Variants in TPRG1 observed in about 807,000 individuals in gnomAD.
TPRG1 encodes tumor protein p63-regulated gene 1 protein.
In TPRG1, 29 loss-of-function variants were observed where a neutral mutation model predicts 29.3. That is an observed-to-expected ratio of 0.99 (90% confidence interval 0.74 to 1.35). The LOEUF (loss-of-function observed/expected upper bound fraction) is 1.35, where lower values mean the gene tolerates loss of function less well. Ranked by LOEUF, TPRG1 falls within the 40% of genes most tolerant of loss-of-function variation. The probability of loss-of-function intolerance (pLI) is 0.00; values close to 1 mark genes in which losing one functional copy is unlikely to be tolerated. For synonymous variants in TPRG1, 130 were observed against 116.8 expected, an observed-to-expected ratio of 1.11 and a Z score of -0.73; for missense variants, 327 against 335.0, an observed-to-expected ratio of 0.98 and a Z score of 0.19.
At chr3:189,009,719 T>C (rs1055410438) in intron 3 of TPRG1, among the ~76,000 whole-genome samples, 5 of 152,056 alleles carry the variant, frequency 3.3e-5, no homozygotes, top group Admixed American at 6.6e-5. Flanking sequence ...ATATCTAGTA[T>C]TTACCAATAG....
chr3:189,088,938 CCTCT>C (rs761866102), intron 4 of TPRG1, among the ~76,000 whole-genome samples: 13 of 151,936 alleles, frequency 8.6e-5, no homozygotes, highest in Non-Finnish European at 1.6e-4. Flanking sequence ...TGTTTCTCTC[CCTCT>C]CTGTCAGATA....
chr3:189,207,518 C>A lies in TPRG1; in HGVS notation c.134C>A (p.Ser45Ter). ...ATGCCAAGACAGATTTCAAGGCAGT[C>A]AAGTGTGACCGAATCAACTCTTTAC... Reference protein sequence around the residue: ...DPMPRQISRQSSVTESTLYPN... With the variant: ...DPMPRQISRQ Residue 45 changes from serine (S) to a stop codon, truncating the protein, a stop_gained, in exon 2 of 6, where the codon TCA becomes TAA. Transcript: ENST00000345063. LOFTEE classifies it high-confidence loss of function. The A allele has an allele frequency of 6.2e-7, 1 of 1,614,014 alleles. No homozygotes were observed. Among genetic ancestry groups the A allele is most frequent in the Non-Finnish European group, 8.5e-7 (1 of 1,179,954 alleles).
chr3:189,155,834 G>T (rs1218371508), intron 5 of TPRG1, among the ~76,000 whole-genome samples: 2 of 152,144 alleles, frequency 1.3e-5, no homozygotes, highest in Non-Finnish European at 2.9e-5. Context: ...GGGTTGGAGG[G>T]TGAGGGAAAT....
In TPRG1 at chr3:189,321,453, C is replaced by T. The variant is rs529030900; in HGVS notation, c.*633C>T. 3.3e-4 allele frequency: 50 copies of T among 152,188 alleles called. No homozygotes were observed. Among genetic ancestry groups the T allele is most frequent in the African/African-American group, 1.1e-3 (45 of 41,534 alleles). 9.4% of individuals were successfully genotyped at this position (152,188 alleles called of 1,614,324 possible). On this transcript the variant is annotated 3_prime_UTR_variant, in exon 6 of 6. Coordinates refer to ENST00000345063, the MANE Select transcript of TPRG1 (RefSeq NM_198485.4). ...GATTTCTCTAAATTCCTTGCCATGA[C>T]ATCCTATATATGATCACATCTCTAT... is the stretch of plus-strand genomic sequence containing the variant.
chr3:189,173,182 T>A (rs1729034836), intron 1 of TPRG1, among the ~76,000 whole-genome samples: 1 of 152,134 alleles, frequency 6.6e-6, no homozygotes, highest in African/African-American at 2.4e-5. Context: ...AAATGTTTCC[T>A]CTGTGTGTGT....
At chr3:189,185,642 TAAGA>T (rs1453057849) in intron 1 of TPRG1, among the ~76,000 whole-genome samples, 4 of 151,734 alleles carry the variant, frequency 2.6e-5, no homozygotes, top group African/African-American at 9.7e-5. Context: ...AAAAAGAGAG[TAAGA>T]ATAATCCAGA....
At chr3:189,209,889 A>T (rs1462758125) in intron 2 of TPRG1, among the ~76,000 whole-genome samples, 1 of 152,212 alleles carries the variant, frequency 6.6e-6, no homozygotes, top group Non-Finnish European at 1.5e-5. Flanking sequence ...TTTTCCCAAG[A>T]TACTCAGTGT....
intron 4 of TPRG1, among the ~76,000 whole-genome samples, chr3:189,071,508 C>T (rs1263260098): frequency 6.6e-6 from 1 of 152,090 alleles, no homozygotes; most frequent in African/African-American, 2.4e-5. Context: ...TGAACTTACA[C>T]CTATAAGCAT....
intron 4 of TPRG1, among the ~76,000 whole-genome samples, chr3:189,277,933 A>C (rs7636638): frequency 0.032 from 4,803 of 152,270 alleles, 254 homozygotes; most frequent in African/African-American, 0.11. Flanking sequence ...GTTTTTACAA[A>C]TCTGATTCAT....
At chr3:189,302,376 A>T (rs1471886718) in intron 4 of TPRG1, among the ~76,000 whole-genome samples, 1 of 152,178 alleles carries the variant, frequency 6.6e-6, no homozygotes, top group African/African-American at 2.4e-5. Context: ...CCTGGACTTC[A>T]TGGAGGATTT....
chr3:189,241,461 T>A (rs190151877), intron 4 of TPRG1, among the ~76,000 whole-genome samples: 4 of 152,316 alleles, frequency 2.6e-5, no homozygotes, highest in African/African-American at 4.8e-5. Flanking sequence ...AATTTTTTTC[T>A]TATTGATTTG....
intron 3 of TPRG1, among the ~76,000 whole-genome samples, chr3:189,140,627 C>A (rs1051675422): frequency 6.6e-6 from 1 of 152,094 alleles, no homozygotes; most frequent in East Asian, 1.9e-4. Flanking sequence ...CGTTCTTTTC[C>A]GTACAATTCT....
At position 189,310,391 on chromosome 3, in the gene TPRG1, A is replaced by G; in HGVS notation, c.485A>G (p.Gln162Arg). The stretch of plus-strand genomic sequence containing the variant: ...GGAAAACGCCTTTCTTGTAGGAGAC[A>G]AGGAGAAGGCCTTAGGATCTACTGG... ...TFPGMSLDKRQGEGLRIYWGS... is the reference protein window; with the variant it reads ...TFPGMSLDKRRGEGLRIYWGS... The change falls in exon 5 of 6, where the codon CAA (glutamine) becomes CGA (arginine). Residue 162 changes from glutamine to arginine, a missense_variant. Gln to Arg is a conservative substitution (Grantham distance 43). Transcript: ENST00000345063. 6.3e-7 allele frequency: 1 copy of G among 1,592,772 alleles called. No homozygotes were observed. Among genetic ancestry groups the G allele is most frequent in the Non-Finnish European group, 8.6e-7 (1 of 1,168,612 alleles).
upstream of TPRG1, among the ~76,000 whole-genome samples, chr3:189,168,765 G>A (rs1728456334): frequency 6.6e-6 from 1 of 152,188 alleles, no homozygotes; most frequent in African/African-American, 2.4e-5. Flanking sequence ...CCTGGGACAA[G>A]GGGTGTATCT....
At chr3:189,160,723 C>T (rs1321618168) in intron 5 of TPRG1, among the ~76,000 whole-genome samples, 1 of 152,168 alleles carries the variant, frequency 6.6e-6, no homozygotes, top group Non-Finnish European at 1.5e-5. Flanking sequence ...GCTGACCTTG[C>T]CCCACCCTGT....
intron 1 of TPRG1, chr3:189,000,737 AT>A (rs761526424): frequency 2.0e-5 from 3 of 151,570 alleles, no homozygotes; most frequent in Non-Finnish European, 2.9e-5. Context: ...GCATATTTAT[AT>A]ATATTATACA....
At chr3:189,155,029 C>T (rs1195386693) in intron 5 of TPRG1, among the ~76,000 whole-genome samples, 2 of 152,054 alleles carry the variant, frequency 1.3e-5, no homozygotes, top group African/African-American at 2.4e-5. Context: ...CTAGGCAGAG[C>T]GAACAGCAGG....
intron 1 of TPRG1, among the ~76,000 whole-genome samples, chr3:189,185,477 C>T (rs746780169): frequency 2.0e-5 from 3 of 152,150 alleles, no homozygotes; most frequent in Non-Finnish European, 2.9e-5. Flanking sequence ...CCCCCAATCT[C>T]GGCCTCCCAA....
At chr3:189,284,079 T>C (rs1386178369) in intron 4 of TPRG1, among the ~76,000 whole-genome samples, 11 of 152,220 alleles carry the variant, frequency 7.2e-5, no homozygotes, top group Admixed American at 5.9e-4. Context: ...ATGTATCCTC[T>C]GTAGTCTCAC....
Sources: gnomAD v4.1 joint callset for allele counts (sites outside exome capture counted in the v4.1 genomes callset) on GRCh38, gnomAD v4.1.1 for gene constraint, MANE v1.5 for transcripts, NCBI Gene and HGNC (gene_info 2026-07-23, HGNC 2026-07-21) for gene names.